CAMK2D: variants seen among roughly 807,000 people sequenced by gnomAD.
CAMK2D encodes the protein calcium/calmodulin dependent protein kinase II delta.
Under a neutral mutation model 84.0 loss-of-function variants are expected in CAMK2D, and 37 were observed. The observed-to-expected ratio is 0.44, with a 90% CI of 0.34 to 0.58. The LOEUF (loss-of-function observed/expected upper bound fraction) is 0.58. Among genes scored for constraint, CAMK2D ranks in the 20% least tolerant of loss-of-function variants. The probability of loss-of-function intolerance (pLI) is 0.02; values close to 1 mark genes in which losing one functional copy is unlikely to be tolerated. For missense variants in CAMK2D, 448 were observed against 652.5 expected, an observed-to-expected ratio of 0.69 and a Z score of 3.41; for synonymous variants, 202 against 212.5, an observed-to-expected ratio of 0.95 and a Z score of 0.43.
At chr4:113,739,003 A>C (rs1288745883) in intron 2 of CAMK2D, among the ~76,000 whole-genome samples, 1 of 152,214 alleles carries the variant, frequency 6.6e-6, no homozygotes, top group East Asian at 1.9e-4. Context: ...CAAAAAATGC[A>C]ACTTTCTTTG....
At chr4:113,687,641 G>A (rs970102793) in intron 2 of CAMK2D, among the ~76,000 whole-genome samples, 1 of 152,168 alleles carries the variant, frequency 6.6e-6, no homozygotes, top group Non-Finnish European at 1.5e-5. Context: ...GTCTCTAAGG[G>A]TTTTTATCTG....
At chr4:113,501,190 C>T (rs568400827) in intron 15 of CAMK2D, among the ~76,000 whole-genome samples, 1 of 152,106 alleles carries the variant, frequency 6.6e-6, no homozygotes, top group South Asian at 2.1e-4. Context: ...GATAAGAAAC[C>T]TACTCCATAA....
chr4:113,535,881 T>C (rs763953189), intron 7 of CAMK2D, among the ~76,000 whole-genome samples: 1 of 152,212 alleles, frequency 6.6e-6, no homozygotes, highest in Non-Finnish European at 1.5e-5. Flanking sequence ...GGTAAATAGT[T>C]ATAGATACAA....
chr4:113,581,039 T>G (rs1410013492), intron 4 of CAMK2D, among the ~76,000 whole-genome samples: 1 of 151,988 alleles, frequency 6.6e-6, no homozygotes. Context: ...GTAACAAACT[T>G]GCACATCCTG....
chr4:113,759,317 C>T lies in CAMK2D; in HGVS notation c.160+3G>A. The T allele has an allele frequency of 6.3e-7, 1 of 1,592,206 alleles. No homozygotes were observed. The highest frequency in any genetic ancestry group is 8.6e-7 in the Non-Finnish European group (1 of 1,164,238). On this transcript the variant is annotated splice_donor_region_variant and intron_variant, in intron 2 of 20. Transcript: ENST00000511664. Reference sequence around the variant, plus strand: ...ACCAATATATGTGGTTGAAAATACCCACCCCTAGCAGAAAGCTTTTTGGTG... The same window carrying T: ...ACCAATATATGTGGTTGAAAATACCTACCCCTAGCAGAAAGCTTTTTGGTG...
intron 3 of CAMK2D, among the ~76,000 whole-genome samples, chr4:113,629,867 T>C (rs903393395): frequency 6.6e-6 from 1 of 151,898 alleles, no homozygotes; most frequent in African/African-American, 2.4e-5. Context: ...AACTCTAACT[T>C]TGGGCAGACT....
intron 2 of CAMK2D, among the ~76,000 whole-genome samples, chr4:113,704,788 G>A (rs959954217): frequency 3.9e-5 from 6 of 151,986 alleles, no homozygotes; most frequent in African/African-American, 1.4e-4. Flanking sequence ...ATTTATCAGT[G>A]AAAAATAAAG....
chr4:113,520,612 T>C (rs576572227), intron 8 of CAMK2D, among the ~76,000 whole-genome samples: 1 of 151,774 alleles, frequency 6.6e-6, no homozygotes, highest in Non-Finnish European at 1.5e-5. Context: ...TAAAAGTCAA[T>C]GAAGAAGTCT....
At chr4:113,565,318 T>C (rs2098717319) in intron 4 of CAMK2D, among the ~76,000 whole-genome samples, 1 of 152,164 alleles carries the variant, frequency 6.6e-6, no homozygotes, top group African/African-American at 2.4e-5. Context: ...CCTCTCTATT[T>C]TGGCTGCCAA....
At chr4:113,702,258 A>G (rs1444222825) in intron 2 of CAMK2D, among the ~76,000 whole-genome samples, 1 of 152,218 alleles carries the variant, frequency 6.6e-6, no homozygotes, top group Admixed American at 6.5e-5. Flanking sequence ...CTTTAGAACA[A>G]GGGTAAGCAA....
chr4:113,727,872 A>G (rs148789082), intron 2 of CAMK2D, among the ~76,000 whole-genome samples: 484 of 152,292 alleles, frequency 3.2e-3, no homozygotes, highest in Middle Eastern at 6.8e-3. Context: ...AAATACTTCA[A>G]AAGAAAAGGT....
intron 4 of CAMK2D, among the ~76,000 whole-genome samples, chr4:113,584,915 A>G (rs2098827156): frequency 6.6e-6 from 1 of 152,172 alleles, no homozygotes; most frequent in Admixed American, 6.5e-5. Flanking sequence ...CCCATTAAAA[A>G]CTGAAGGGCT....
chr4:113,543,528 A>G (rs544559960), intron 6 of CAMK2D, among the ~76,000 whole-genome samples: 2 of 152,024 alleles, frequency 1.3e-5, no homozygotes, highest in Non-Finnish European at 2.9e-5. Flanking sequence ...GCCTACATAC[A>G]TATTTTTACA....
chr4:113,664,960 T>C (rs1185886055), intron 2 of CAMK2D, among the ~76,000 whole-genome samples: 1 of 152,168 alleles, frequency 6.6e-6, no homozygotes, highest in Non-Finnish European at 1.5e-5. Context: ...CCTGCCACCA[T>C]GCCCAGCTAA....
At position 113,455,706 on chromosome 4, in the gene CAMK2D, C is replaced by T. The variant is rs373513807; in HGVS notation, c.*29+20G>A. On this transcript the variant is annotated intron_variant, in intron 20 of 20. Coordinates refer to ENST00000511664, the MANE Select transcript of CAMK2D (RefSeq NM_001321571.2). Reference sequence around the variant, plus strand: ...ATTCAGCTCCAGTCACAAAGTATCACGGAGCAGGATGTTACTTACAAGACC... The same window carrying T: ...ATTCAGCTCCAGTCACAAAGTATCATGGAGCAGGATGTTACTTACAAGACC... The T allele has an allele frequency of 3.2e-5, 44 of 1,379,000 alleles. No individual in the cohort carries two copies. The highest frequency in any genetic ancestry group is 8.5e-5 in the African/African-American group (6 of 70,336). 85.4% of individuals were successfully genotyped at this position (1,379,000 alleles called of 1,614,324 possible).
intron 3 of CAMK2D, among the ~76,000 whole-genome samples, chr4:113,657,746 CA>C (rs1471890800): frequency 6.6e-6 from 1 of 152,022 alleles, no homozygotes; most frequent in African/African-American, 2.4e-5. Context: ...TTGCTTGCTG[CA>C]AGTTTTCAAG....
At chr4:113,540,503 G>A (rs2098523221) in intron 6 of CAMK2D, among the ~76,000 whole-genome samples, 1 of 152,262 alleles carries the variant, frequency 6.6e-6, no homozygotes, top group South Asian at 2.1e-4. Context: ...GAAAGAATGC[G>A]AAGACCTGGG....
chr4:113,571,611 C>A (rs1009925176), intron 4 of CAMK2D, among the ~76,000 whole-genome samples: 28 of 152,300 alleles, frequency 1.8e-4, no homozygotes, highest in South Asian at 6.2e-4. Flanking sequence ...CGGTGGCTCA[C>A]GCCTGTAATC....
Position 113,537,533 on chromosome 4 carries a change from GA to G in CAMK2D, c.415-91del, listed in dbSNP as rs1264191810. 1,462 of 747,990 alleles carry G rather than the reference GA, an allele frequency of 2.0e-3. 4 individuals carry two copies. Among genetic ancestry groups the G allele is most frequent in the Non-Finnish European group, 2.4e-3 (1,075 of 443,864 alleles). 46.3% of individuals were successfully genotyped at this position (747,990 alleles called of 1,614,324 possible). On this transcript the variant is annotated intron_variant, in intron 6 of 20. Transcript: ENST00000511664. ...TAACAACATTTTACAGGATTAGGGG[GA>G]AAAAATTCATGCACTGTCATCTTTC...
Sources: gnomAD v4.1 joint callset for allele counts (sites outside exome capture counted in the v4.1 genomes callset) on GRCh38, gnomAD v4.1.1 for gene constraint, MANE v1.5 for transcripts, NCBI Gene and HGNC (gene_info 2026-07-23, HGNC 2026-07-21) for gene names.